Variants in CELSR1 observed in about 807,000 individuals in gnomAD.
CELSR1 encodes the protein cadherin EGF LAG seven-pass G-type receptor 1, also known as adhesion G protein-coupled receptor C1.
Under a neutral mutation model 249.1 loss-of-function variants are expected in CELSR1, and 110 were observed. That is an observed-to-expected ratio of 0.44 (90% confidence interval 0.38 to 0.52). CELSR1 has a LOEUF of 0.52. Among genes scored for constraint, CELSR1 ranks in the 20% least tolerant of loss-of-function variants. The pLI is 0.00. For synonymous variants in CELSR1, 2,113 were observed against 1,900.0 expected (o/e 1.11, Z -2.92); for missense variants, 4,109 against 4,296.4 (o/e 0.96, Z 1.22).
intron 18 of CELSR1, 53 bp downstream of exon 18, chr22:46,389,237 G>T: frequency 1.3e-6 from 2 of 1,577,260 alleles, no homozygotes; most frequent in Non-Finnish European, 1.7e-6. Flanking sequence ...CCACCCACGG[G>T]CATCCGAGTG....
chr22:46,424,302 C>T (rs899191514), intron 5 of CELSR1, among the ~76,000 whole-genome samples: 3 of 151,982 alleles, frequency 2.0e-5, no homozygotes, highest in Non-Finnish European at 2.9e-5. Flanking sequence ...TGATCTTGAA[C>T]TCCTGGGCTC....
intron 1 of CELSR1, among the ~76,000 whole-genome samples, chr22:46,501,672 A>T (rs562358534): frequency 6.6e-6 from 1 of 152,190 alleles, no homozygotes; most frequent in African/African-American, 2.4e-5. Flanking sequence ...CCTTCAGTCA[A>T]TGCAACAAAG....
At chr22:46,415,840 C>T (rs1360356018) in intron 5 of CELSR1, among the ~76,000 whole-genome samples, 1 of 152,214 alleles carries the variant, frequency 6.6e-6, no homozygotes, top group Non-Finnish European at 1.5e-5. Flanking sequence ...TGGACAATTA[C>T]ACAGGCGGCT....
At chr22:46,443,699 TCA>T (rs1225926741) in intron 2 of CELSR1, among the ~76,000 whole-genome samples, 2 of 152,238 alleles carry the variant, frequency 1.3e-5, no homozygotes, top group Non-Finnish European at 2.9e-5. Flanking sequence ...TGACACACCC[TCA>T]CAGACACCTC....
rs778260584 is a variant in CELSR1 at position 46,389,380 on chromosome 22, C to T, written c.6465G>A (p.Thr2155=). The T allele has an allele frequency of 7.0e-5, 113 of 1,611,224 alleles. No individual in the cohort carries two copies. In the Middle Eastern group the frequency reaches 1.0e-3, roughly 15 times the overall value. Residue 2155 remains threonine (T), a synonymous_variant, in exon 18 of 35, where the codon ACG becomes ACA. Coordinates refer to ENST00000674500, the MANE Select transcript of CELSR1 (RefSeq NM_001378328.1). ...TGTLFGNDVR[T]AYQLLGHVLQ... ...GGACGTGGCCCAGCAGCTGGTAGGCCGTGCGCACGTCATTGCCAAAGAGCG... is the reference window on the plus strand; with the variant it reads ...GGACGTGGCCCAGCAGCTGGTAGGCTGTGCGCACGTCATTGCCAAAGAGCG...
In CELSR1 at chr22:46,410,981, G is replaced by A. The variant is rs1200923261; in HGVS notation, c.4770-420C>T. Among the ~76,000 whole-genome samples, 1 of 152,140 alleles carries A rather than the reference G, an allele frequency of 6.6e-6. No individual in the cohort carries two copies. The highest frequency in any genetic ancestry group is 1.5e-5 in the Non-Finnish European group (1 of 68,020). On this transcript the variant is annotated intron_variant, in intron 6 of 34. Coordinates refer to ENST00000674500, the MANE Select transcript of CELSR1 (RefSeq NM_001378328.1). This position sits in a 1 kb window ranked among gnomAD's most constrained non-coding sequence, Gnocchi z 6.8. ...CCAGCACTTTGGGAGGCTGAGGCGG[G>A]CAGATCACGAGGTCAAGAGATCGAG...
intron 1 of CELSR1, 52 bp downstream of exon 1, chr22:46,533,575 C>T (rs2080814572): frequency 6.6e-7 from 1 of 1,506,584 alleles, no homozygotes; most frequent in Non-Finnish European, 8.8e-7. Flanking sequence ...GTTCCTGAGG[C>T]TCTCCAGGAG....
chr22:46,370,609 T>G (rs988970441), intron 25 of CELSR1, among the ~76,000 whole-genome samples: 2 of 152,194 alleles, frequency 1.3e-5, no homozygotes, highest in Non-Finnish European at 2.9e-5. Flanking sequence ...TGAGACCTGG[T>G]CTTTCTGTGC....
intron 1 of CELSR1, among the ~76,000 whole-genome samples, chr22:46,513,270 A>G (rs2080592042): frequency 6.6e-6 from 1 of 152,184 alleles, no homozygotes; most frequent in Non-Finnish European, 1.5e-5. Context: ...CTATCAGGCA[A>G]CACAGGGAAG....
In CELSR1 at chr22:46,371,887, ATCCACCCACCTCTCCATCCC is replaced by A. The variant is rs796617537; in HGVS notation, c.7759+976_7759+995del. Among the ~76,000 whole-genome samples the A allele has an allele frequency of 3.4e-3, 481 of 140,646 alleles. 5 individuals are homozygous for A. Among genetic ancestry groups the A allele is most frequent in the African/African-American group, 0.013 (461 of 36,518 alleles). 92.3% of individuals were successfully genotyped at this position (140,646 alleles called of 152,430 possible). ...ATCCAATCCATCCATCCATCCATCC[ATCCACCCACCTCTCCATCCC>A]TCCATCCACCCACCCACCCATCTGC... On this transcript the variant is annotated intron_variant, in intron 25 of 34. Transcript: ENST00000674500.
intron 5 of CELSR1, among the ~76,000 whole-genome samples, chr22:46,415,933 C>T (rs934575674): frequency 2.6e-5 from 4 of 152,232 alleles, no homozygotes; most frequent in Non-Finnish European, 5.9e-5. Context: ...AGACAAAGTG[C>T]GTCTCCGCTG....
In CELSR1 at chr22:46,437,494, G is replaced by A. The variant is rs1440309948; in HGVS notation, c.4407-1205C>T. Among the ~76,000 whole-genome samples, 3 of 152,182 alleles carry A rather than the reference G, an allele frequency of 2.0e-5. No homozygotes were observed. The highest frequency in any genetic ancestry group is 2.1e-4 in the South Asian group (1 of 4,828). ...TGGTTTCGGCTGGCCGGTGGCTCAC[G>A]CCTGTAATCCCAGCACTTTGGGAGG... On this transcript the variant is annotated intron_variant, in intron 3 of 34. Transcript: ENST00000674500. This position sits in a 1 kb window ranked among gnomAD's most constrained non-coding sequence, Gnocchi z 4.9.
chr22:46,367,609 C>A, intron 28 of CELSR1, 120 bp downstream of exon 28: 3 of 1,391,550 alleles, frequency 2.2e-6, no homozygotes, highest in South Asian at 1.4e-5. Context: ...ACAGGAGGCC[C>A]CCACGCGGGA....
Position 46,423,071 on chromosome 22 carries a change from C to T in CELSR1, c.4611+10322G>A, listed in dbSNP as rs1282387788. Among the ~76,000 whole-genome samples, 1 of 152,040 alleles carries T rather than the reference C, an allele frequency of 6.6e-6. No homozygotes were observed. Among genetic ancestry groups the T allele is most frequent in the Non-Finnish European group, 1.5e-5 (1 of 68,018 alleles). ...ACCTGGGCAACAGGACATCAGGGCA[C>T]AAGGACACGAGATAAGGCCTGGAAA... is the stretch of plus-strand genomic sequence containing the variant. On this transcript the variant is annotated intron_variant, in intron 5 of 34. Transcript: ENST00000674500. This position sits in a 1 kb window ranked among gnomAD's most constrained non-coding sequence, Gnocchi z 5.6.
At chr22:46,508,606 C>T (rs1221774332) in intron 1 of CELSR1, among the ~76,000 whole-genome samples, 1 of 152,118 alleles carries the variant, frequency 6.6e-6, no homozygotes, top group Non-Finnish European at 1.5e-5. Flanking sequence ...CCCACCCCCT[C>T]ACCGCCTGGG....
At chr22:46,459,946 C>T (rs1307316142) in intron 2 of CELSR1, among the ~76,000 whole-genome samples, 2 of 152,216 alleles carry the variant, frequency 1.3e-5, no homozygotes, top group Non-Finnish European at 2.9e-5. Flanking sequence ...GTGGCTCACG[C>T]CTGTAAACCC....
chr22:46,455,593 A>G (rs2079938943), intron 2 of CELSR1, among the ~76,000 whole-genome samples: 1 of 152,148 alleles, frequency 6.6e-6, no homozygotes, highest in Non-Finnish European at 1.5e-5. Flanking sequence ...GAACCACTGC[A>G]CTTGGCTTGA....
At position 46,369,275 on chromosome 22, in the gene CELSR1, C is replaced by T. The variant is rs28621607; in HGVS notation, c.7873-17G>A. Reference sequence around the variant, plus strand: ...TGTGTTGATCTGAAAACAAAACAAGCCGATCAATGTCTTCTCTCTCGTCAC... The same window carrying T: ...TGTGTTGATCTGAAAACAAAACAAGTCGATCAATGTCTTCTCTCTCGTCAC... On this transcript the variant is annotated splice_polypyrimidine_tract_variant and intron_variant, in intron 26 of 34. Coordinates refer to ENST00000674500, the MANE Select transcript of CELSR1 (RefSeq NM_001378328.1). 2.8e-6 allele frequency: 2 copies of T among 706,342 alleles called. No individual in the cohort carries two copies. Among genetic ancestry groups the T allele is most frequent in the African/African-American group, 3.9e-5 (1 of 25,334 alleles). The allele number at this position is 706,342 out of a possible 1,614,324, so 43.8% of individuals were successfully genotyped here. A position where few individuals can be genotyped will look rare whatever the true frequency, so the allele number is the denominator to read the frequency against.
In CELSR1 at chr22:46,445,623, AGTCTGT is replaced by A. The variant is rs920043853; in HGVS notation, c.4184-6218_4184-6213del. 6.6e-6 allele frequency among the ~76,000 whole-genome samples: 1 copy of A among 152,192 alleles called. No individual in the cohort carries two copies. The highest frequency in any genetic ancestry group is 2.4e-5 in the African/African-American group (1 of 41,444). ...TTTCCAACTGAGGTCTCATTCTGAG[AGTCTGT>A]GTGGACAAGGATTTTGGGAGCCACT... On this transcript the variant is annotated intron_variant, in intron 2 of 34. Transcript: ENST00000674500. The surrounding 1 kb of genome is among the most constrained non-coding windows in gnomAD (Gnocchi z 4.4).
Sources: allele counts gnomAD v4.1 joint callset (sites outside exome capture counted in the v4.1 genomes callset), GRCh38; gene constraint gnomAD v4.1.1; non-coding constraint Gnocchi (gnomAD v3.1); transcripts MANE v1.5; gene names NCBI Gene and HGNC (gene_info 2026-07-23, HGNC 2026-07-21).